BACH2: variants seen among roughly 807,000 people sequenced by gnomAD.
The protein encoded by BACH2 is BACH transcriptional regulator 2.
Under a neutral mutation model 61.8 loss-of-function variants are expected in BACH2, and 5 were observed. The ratio of observed to expected loss-of-function variants is 0.08; its 90% confidence interval spans 0.04 to 0.17. BACH2 has a LOEUF of 0.17. Among genes scored for constraint, BACH2 ranks in the 10% least tolerant of loss-of-function variants. The pLI is 1.00. For synonymous variants in BACH2, 446 were observed against 440.1 expected (o/e 1.01, Z -0.17); for missense variants, 824 against 1,091.1 (o/e 0.76, Z 3.45).
chr6:90,134,809 G>A (rs1784217578), intron 4 of BACH2, among the ~76,000 whole-genome samples: 1 of 152,224 alleles, frequency 6.6e-6, no homozygotes, highest in Admixed American at 6.5e-5. Flanking sequence ...GGTCAGGGCA[G>A]GTAGCCTCTG....
chr6:90,014,710 T>C (rs913132606), intron 5 of BACH2, among the ~76,000 whole-genome samples: 25 of 151,508 alleles, frequency 1.7e-4, no homozygotes, highest in Non-Finnish European at 2.7e-4. Context: ...CTTGACCTCA[T>C]GATCCACCCG....
At position 89,951,747 on chromosome 6, in the gene BACH2, T is replaced by G; in HGVS notation, c.359A>C (p.Asn120Thr). The G allele has an allele frequency of 6.2e-7, 1 of 1,614,220 alleles. No homozygotes were observed. Among genetic ancestry groups the G allele is most frequent in the South Asian group, 1.1e-5 (1 of 91,082 alleles). ...GAAGCTGAAGCAGGAGTCCTCCAGG[T>G]TGTGCATGCGCAGGAACTCAGCACA... ...IRCAEFLRMH[N>T]LEDSCFSFLQ... is the part of the protein sequence containing the mutation. The change falls in exon 7 of 9, where the codon AAC becomes ACC. Residue 120 changes from asparagine (N) to threonine (T), a missense_variant. By Grantham distance (65) the Asn-to-Thr change is moderately conservative. Coordinates refer to ENST00000257749, the MANE Select transcript of BACH2 (RefSeq NM_021813.4). The surrounding 1 kb of genome is among the most constrained non-coding windows in gnomAD (Gnocchi z 6.4).
intron 6 of BACH2, among the ~76,000 whole-genome samples, chr6:89,989,403 T>C (rs1342677784): frequency 6.6e-6 from 1 of 151,536 alleles, no homozygotes; most frequent in African/African-American, 2.4e-5. Flanking sequence ...ATTTAGTAAC[T>C]TTTTTATGCG....
chr6:90,288,184 T>C (rs1772077235), intron 1 of BACH2, among the ~76,000 whole-genome samples: 1 of 152,168 alleles, frequency 6.6e-6, no homozygotes, highest in Non-Finnish European at 1.5e-5. Context: ...GCTTATTCAT[T>C]TGCATAATAT....
intron 5 of BACH2, among the ~76,000 whole-genome samples, chr6:90,087,446 T>C (rs1395028959): frequency 6.6e-6 from 1 of 152,178 alleles, no homozygotes; most frequent in Non-Finnish European, 1.5e-5. Context: ...CTCAGAAATA[T>C]ACAATGCATA....
chr6:90,160,355 C>T (rs966700469), intron 4 of BACH2, among the ~76,000 whole-genome samples: 8 of 152,142 alleles, frequency 5.3e-5, no homozygotes, highest in Non-Finnish European at 1.0e-4. Flanking sequence ...CTGTAGGGGA[C>T]AGGAATCATG....
chr6:90,199,052 T>C (rs138039596), intron 4 of BACH2, among the ~76,000 whole-genome samples: 2 of 152,340 alleles, frequency 1.3e-5, no homozygotes, highest in East Asian at 1.9e-4. Context: ...TCCATCATGA[T>C]TGTGAGGCCT....
At chr6:90,238,424 G>A (rs565517756) in intron 3 of BACH2, among the ~76,000 whole-genome samples, 14 of 152,230 alleles carry the variant, frequency 9.2e-5, no homozygotes, top group South Asian at 2.1e-4. Flanking sequence ...TACAGATAGC[G>A]CAACTGCTGA....
intron 6 of BACH2, among the ~76,000 whole-genome samples, chr6:89,972,095 G>A (rs919001464): frequency 1.3e-5 from 2 of 152,332 alleles, no homozygotes; most frequent in Admixed American, 6.5e-5. Flanking sequence ...AGCATGCAGT[G>A]TGGTGTGGCA....
intron 4 of BACH2, among the ~76,000 whole-genome samples, chr6:90,110,955 T>C (rs1177273642): frequency 1.3e-5 from 2 of 152,218 alleles, no homozygotes; most frequent in African/African-American, 4.8e-5. Flanking sequence ...TAATTGTTAC[T>C]GCTTCATACA....
intron 5 of BACH2, among the ~76,000 whole-genome samples, chr6:90,052,162 T>C (rs1336657760): frequency 6.6e-6 from 1 of 152,240 alleles, no homozygotes; most frequent in Non-Finnish European, 1.5e-5. Context: ...TTCTATTTGT[T>C]TGATGCAAGA....
At chr6:90,229,412 ATC>A (rs1770021273) in intron 3 of BACH2, among the ~76,000 whole-genome samples, 1 of 151,936 alleles carries the variant, frequency 6.6e-6, no homozygotes, top group African/African-American at 2.4e-5. Flanking sequence ...GCGAGCAGAG[ATC>A]ATGCCACTGC....
chr6:90,204,766 G>T (rs1390605944), intron 4 of BACH2, among the ~76,000 whole-genome samples: 1 of 152,188 alleles, frequency 6.6e-6, no homozygotes, highest in Non-Finnish European at 1.5e-5. Context: ...TGCAGCCATG[G>T]ATCTCCCCTC....
intron 5 of BACH2, among the ~76,000 whole-genome samples, chr6:90,067,867 T>C (rs1314044305): frequency 1.3e-5 from 2 of 152,094 alleles, no homozygotes; most frequent in East Asian, 3.8e-4. Context: ...TTGTAGCTAG[T>C]CCCCAGAGTA....
intron 6 of BACH2, among the ~76,000 whole-genome samples, chr6:89,955,230 T>C (rs908405509): frequency 6.6e-6 from 1 of 152,224 alleles, no homozygotes; most frequent in African/African-American, 2.4e-5. Flanking sequence ...TTTCTTCTTC[T>C]GTGCTAGTGG....
chr6:90,034,243 A>C (rs1398156226), intron 5 of BACH2, among the ~76,000 whole-genome samples: 1 of 152,184 alleles, frequency 6.6e-6, no homozygotes, highest in Non-Finnish European at 1.5e-5. Context: ...CTTACAATTG[A>C]CCGTATTTGA....
At position 90,131,638 on chromosome 6, in the gene BACH2, T is replaced by C. The variant is rs532370963; in HGVS notation, c.-161-42529A>G. Among the ~76,000 whole-genome samples, 5 of 152,320 alleles carry C rather than the reference T, an allele frequency of 3.3e-5. No homozygotes were observed. The East Asian group carries it at 9.6e-4, about 29-fold the overall frequency. ...TCTACACATGAGCTCACCCTTCAAA[T>C]ACCACATTTATGTCCATTTTTGGGC... On this transcript the variant is annotated intron_variant, in intron 4 of 8. Transcript: ENST00000257749.
At chr6:90,282,122 T>C (rs926432460) in intron 1 of BACH2, among the ~76,000 whole-genome samples, 7 of 152,254 alleles carry the variant, frequency 4.6e-5, no homozygotes, top group African/African-American at 1.7e-4. Flanking sequence ...TCCAGTTTTT[T>C]GCTCTTATGA....
chr6:90,165,809 A>T (rs1317698757), intron 4 of BACH2, among the ~76,000 whole-genome samples: 1 of 152,236 alleles, frequency 6.6e-6, no homozygotes, highest in African/African-American at 2.4e-5. Flanking sequence ...AAATAGGGAA[A>T]GGATTCCCTA....
Sources: allele counts gnomAD v4.1 joint callset (sites outside exome capture counted in the v4.1 genomes callset), GRCh38; gene constraint gnomAD v4.1.1; non-coding constraint Gnocchi (gnomAD v3.1); transcripts MANE v1.5; gene names NCBI Gene and HGNC (gene_info 2026-07-23, HGNC 2026-07-21).